BACH2: variants seen among roughly 807,000 people sequenced by gnomAD.
BACH2 encodes the protein BACH transcriptional regulator 2.
BACH2 carries 5 observed loss-of-function variants against 61.8 expected under a neutral mutation model. That is an observed-to-expected ratio of 0.08 (90% CI 0.04 to 0.17). The LOEUF (loss-of-function observed/expected upper bound fraction) is 0.17, where lower values mean the gene tolerates loss of function less well. Among genes scored for constraint, BACH2 ranks in the 10% least tolerant of loss-of-function variants. BACH2 has a pLI of 1.00. For missense variants in BACH2, 824 were observed against 1,091.1 expected (o/e 0.76, Z 3.45); for synonymous variants, 446 against 440.1 (o/e 1.01, Z -0.17).
chr6:90,094,418 A>C (rs901534645), intron 4 of BACH2, among the ~76,000 whole-genome samples: 1 of 152,196 alleles, frequency 6.6e-6, no homozygotes, highest in African/African-American at 2.4e-5. Flanking sequence ...CCAAGAACAT[A>C]ATTTCTAAGA....
At chr6:90,106,910 G>GT (rs1164514111) in intron 4 of BACH2, among the ~76,000 whole-genome samples, 1 of 152,236 alleles carries the variant, frequency 6.6e-6, no homozygotes, top group Admixed American at 6.5e-5. Flanking sequence ...ATGGTAGGGA[G>GT]TAAGTGGTGG....
In BACH2 at chr6:90,068,459, G is replaced by A. The variant is rs116300743; in HGVS notation, c.-13+20502C>T. ...TCTCATGTGAATGTCAGGACAATGCGGGGGTGTACACAAGGCAAGCATTTC... is the reference window on the plus strand; with the variant it reads ...TCTCATGTGAATGTCAGGACAATGCAGGGGTGTACACAAGGCAAGCATTTC... On this transcript the variant is annotated intron_variant, in intron 5 of 8. Coordinates refer to ENST00000257749, the MANE Select transcript of BACH2 (RefSeq NM_021813.4). Among the ~76,000 whole-genome samples the A allele has an allele frequency of 3.7e-3, 568 of 152,174 alleles. 2 individuals carry two copies. The highest frequency in any genetic ancestry group is 0.018 in the South Asian group (85 of 4,820).
chr6:90,189,360 G>A (rs987198133), intron 4 of BACH2, among the ~76,000 whole-genome samples: 4 of 152,116 alleles, frequency 2.6e-5, no homozygotes, highest in African/African-American at 9.7e-5. Flanking sequence ...TGTAATCCCA[G>A]CACTTTGGGA....
intron 4 of BACH2, among the ~76,000 whole-genome samples, chr6:90,155,496 G>A (rs1164409817): frequency 6.6e-6 from 1 of 152,174 alleles, no homozygotes; most frequent in East Asian, 1.9e-4. Context: ...TAGCAATCAG[G>A]TTTCGCCTTT....
intron 4 of BACH2, among the ~76,000 whole-genome samples, chr6:90,191,365 T>G (rs1768564546): frequency 6.6e-6 from 1 of 152,244 alleles, no homozygotes; most frequent in South Asian, 2.1e-4. Flanking sequence ...CCTAGAGACT[T>G]GCTTTAATGA....
rs781146956 is a variant in BACH2, at chr6:89,931,250, C to T, written c.*1158G>A. 6.6e-6 allele frequency: 1 copy of T among 152,472 alleles called. No individual in the cohort carries two copies. The highest frequency in any genetic ancestry group is 2.1e-4 in the South Asian group (1 of 4,826). The allele number at this position is 152,472 out of a possible 1,614,324, so 9.4% of individuals were successfully genotyped here. A position where few individuals can be genotyped will look rare whatever the true frequency, so the allele number is the denominator to read the frequency against. On this transcript the variant is annotated 3_prime_UTR_variant, in exon 9 of 9. Transcript: ENST00000257749. ...GTGAGATGTCCAAACTCTCTCCCCA[C>T]TTAGGAATCTGAACATCCAGCATCA...
intron 6 of BACH2, among the ~76,000 whole-genome samples, chr6:89,992,400 G>A (rs1776625744): frequency 6.6e-6 from 1 of 152,144 alleles, no homozygotes; most frequent in Non-Finnish European, 1.5e-5. Flanking sequence ...CAGCACTTTG[G>A]GAGGCCAAGG....
chr6:90,123,473 TAAG>T (rs1464854119), intron 4 of BACH2, among the ~76,000 whole-genome samples: 2 of 152,134 alleles, frequency 1.3e-5, no homozygotes, highest in Admixed American at 1.3e-4. Flanking sequence ...GGACAGCTTA[TAAG>T]AAGACCGGTG....
chr6:90,209,084 A>C (rs1031474281), intron 3 of BACH2, among the ~76,000 whole-genome samples: 8 of 152,170 alleles, frequency 5.3e-5, no homozygotes, highest in Non-Finnish European at 1.0e-4. Flanking sequence ...GGATAGCATT[A>C]GGAGAAATAC....
chr6:90,210,634 A>G, intron 3 of BACH2, among the ~76,000 whole-genome samples: 1 of 152,302 alleles, frequency 6.6e-6, no homozygotes, highest in Middle Eastern at 3.4e-3. Flanking sequence ...GGAATCAAGA[A>G]TGTTTTCTTT....
At chr6:90,247,010 T>G (rs1289930463) in intron 3 of BACH2, among the ~76,000 whole-genome samples, 2 of 152,178 alleles carry the variant, frequency 1.3e-5, no homozygotes, top group African/African-American at 4.8e-5. Flanking sequence ...TTTTTGATAT[T>G]ACAAATGTGA....
intron 6 of BACH2, among the ~76,000 whole-genome samples, chr6:89,979,807 A>AC (rs1262294180): frequency 6.6e-6 from 1 of 152,196 alleles, no homozygotes; most frequent in African/African-American, 2.4e-5. Context: ...CTGGGTTCAA[A>AC]CTAATTTCTT....
Position 89,936,987 on chromosome 6 carries a change from T to G in BACH2, c.2043+1157A>C, listed in dbSNP as rs1432733838. Among the ~76,000 whole-genome samples, 6 of 151,854 alleles carry G rather than the reference T, an allele frequency of 4.0e-5. No individual in the cohort carries two copies. In the East Asian group the frequency reaches 1.2e-3, roughly 29 times the overall value. On this transcript the variant is annotated intron_variant, in intron 8 of 8. Coordinates refer to ENST00000257749, the MANE Select transcript of BACH2 (RefSeq NM_021813.4). Reference sequence around the variant, plus strand: ...GCAGAAAGGTGGAGCTGAAGGAGGTTGAGTTGGTTGTCTTCAAAGCTACAG... The same window carrying G: ...GCAGAAAGGTGGAGCTGAAGGAGGTGGAGTTGGTTGTCTTCAAAGCTACAG...
At chr6:90,279,234 A>G (rs1315080067) in intron 1 of BACH2, among the ~76,000 whole-genome samples, 2 of 152,138 alleles carry the variant, frequency 1.3e-5, no homozygotes, top group African/African-American at 2.4e-5. Flanking sequence ...TAAAAAAAAA[A>G]GAATACGGCC....
chr6:89,955,368 C>G (rs1472147341), intron 6 of BACH2, among the ~76,000 whole-genome samples: 1 of 152,190 alleles, frequency 6.6e-6, no homozygotes, highest in Non-Finnish European at 1.5e-5. Context: ...AATGGAAAAG[C>G]CATTGCAAGA....
intron 4 of BACH2, among the ~76,000 whole-genome samples, chr6:90,180,061 T>TA (rs200619855): frequency 6.6e-6 from 1 of 152,016 alleles, no homozygotes; most frequent in Non-Finnish European, 1.5e-5. Flanking sequence ...GAGCAAAACA[T>TA]AAAAAAAGAA....
intron 1 of BACH2, among the ~76,000 whole-genome samples, chr6:90,276,821 C>T (rs1203662283): frequency 6.6e-6 from 1 of 152,066 alleles, no homozygotes; most frequent in Non-Finnish European, 1.5e-5. Context: ...TCCACTATCA[C>T]CTGCTAAAAG....
At chr6:90,083,209 A>G (rs1781794597) in intron 5 of BACH2, among the ~76,000 whole-genome samples, 1 of 152,240 alleles carries the variant, frequency 6.6e-6, no homozygotes, top group African/African-American at 2.4e-5. Flanking sequence ...AAAAGAGCAC[A>G]CAAACCATTT....
chr6:89,942,359 G>A (rs1459917606), intron 7 of BACH2, among the ~76,000 whole-genome samples: 1 of 152,200 alleles, frequency 6.6e-6, no homozygotes, highest in Non-Finnish European at 1.5e-5. Context: ...CTCAAATGGG[G>A]CTGAGGAGTC....
Sources: gnomAD v4.1 joint callset for allele counts (sites outside exome capture counted in the v4.1 genomes callset) on GRCh38, gnomAD v4.1.1 for gene constraint, MANE v1.5 for transcripts, NCBI Gene and HGNC (gene_info 2026-07-23, HGNC 2026-07-21) for gene names.